Variants in ST6GALNAC3 observed in about 807,000 individuals in gnomAD.
The protein encoded by ST6GALNAC3 is ST6 N-acetylgalactosaminide alpha-2,6-sialyltransferase 3.
A neutral mutation model predicts 32.7 loss-of-function variants in ST6GALNAC3; 25 were observed. That is an observed-to-expected ratio of 0.76 (90% CI 0.56 to 1.07). The LOEUF (loss-of-function observed/expected upper bound fraction) is 1.07, where lower values mean the gene tolerates loss of function less well. Among genes scored for constraint, ST6GALNAC3 ranks in the 50% least tolerant of loss-of-function variants. The pLI is 0.00. For missense variants in ST6GALNAC3, 355 were observed against 382.4 expected, an observed-to-expected ratio of 0.93 and a Z score of 0.60; for synonymous variants, 129 against 133.1, an observed-to-expected ratio of 0.97 and a Z score of 0.21.
At chr1:76,361,843 G>GT (rs34952974) in intron 2 of ST6GALNAC3, among the ~76,000 whole-genome samples, 7,859 of 151,762 alleles carry the variant, frequency 0.052, 306 homozygotes, top group African/African-American at 0.11. Flanking sequence ...GCCTGGCATG[G>GT]GGCACACGAC....
intron 2 of ST6GALNAC3, among the ~76,000 whole-genome samples, chr1:76,318,850 A>G (rs1646916601): frequency 6.6e-6 from 1 of 152,176 alleles, no homozygotes; most frequent in African/African-American, 2.4e-5. Context: ...GGACTAAGGT[A>G]GTCCAGGGCT....
intron 3 of ST6GALNAC3, among the ~76,000 whole-genome samples, chr1:76,616,870 T>C (rs1232446949): frequency 6.6e-6 from 1 of 152,188 alleles, no homozygotes; most frequent in Non-Finnish European, 1.5e-5. Flanking sequence ...TGGCAATAGC[T>C]TCAAATAGAC....
chr1:76,134,396 T>C lies in ST6GALNAC3; in HGVS notation c.18+59512T>C, dbSNP rs76308216. On this transcript the variant is annotated intron_variant, in intron 1 of 4. Transcript: ENST00000328299. ...AAATGCCCTTCACCTTTTCCAGGCC[T>C]GAAGCTCCTAGTCTATGAGATGAGG... 7.9e-5 allele frequency among the ~76,000 whole-genome samples: 12 copies of C among 152,340 alleles called. No homozygotes were observed. In the East Asian group the frequency reaches 2.3e-3, roughly 29 times the overall value.
At chr1:76,211,786 G>C (rs983986142) in intron 1 of ST6GALNAC3, among the ~76,000 whole-genome samples, 2 of 152,058 alleles carry the variant, frequency 1.3e-5, no homozygotes, top group Non-Finnish European at 1.5e-5. Context: ...GGCCTGTTGT[G>C]GGGTGGGGGG....
chr1:76,518,852 G>A (rs975186320), intron 3 of ST6GALNAC3, among the ~76,000 whole-genome samples: 2 of 152,064 alleles, frequency 1.3e-5, no homozygotes, highest in Non-Finnish European at 2.9e-5. Flanking sequence ...ATTACTGGAG[G>A]TCAGAAGTTC....
intron 1 of ST6GALNAC3, among the ~76,000 whole-genome samples, chr1:76,213,860 A>T (rs1265193504): frequency 2.0e-5 from 3 of 152,224 alleles, no homozygotes; most frequent in African/African-American, 7.2e-5. Flanking sequence ...AACATCTCAC[A>T]AAAGGGATAT....
chr1:76,372,279 A>G (rs980191392), intron 2 of ST6GALNAC3, among the ~76,000 whole-genome samples: 1 of 151,984 alleles, frequency 6.6e-6, no homozygotes, highest in African/African-American at 2.4e-5. Context: ...CAGTTTTTTT[A>G]ATGTAAATTT....
intron 3 of ST6GALNAC3, among the ~76,000 whole-genome samples, chr1:76,531,718 ACT>A (rs1663270217): frequency 1.3e-5 from 2 of 152,102 alleles, no homozygotes; most frequent in Non-Finnish European, 2.9e-5. Flanking sequence ...GATAAAATAG[ACT>A]CAGTTCTGCA....
At chr1:76,524,673 ATATTG>A (rs1046022306) in intron 3 of ST6GALNAC3, among the ~76,000 whole-genome samples, 3 of 151,470 alleles carry the variant, frequency 2.0e-5, no homozygotes, top group African/African-American at 7.3e-5. Context: ...AACAATCCAA[ATATTG>A]TGTATAATAT....
chr1:76,122,559 G>A (rs1343728267), intron 1 of ST6GALNAC3, among the ~76,000 whole-genome samples: 1 of 152,136 alleles, frequency 6.6e-6, no homozygotes, highest in African/African-American at 2.4e-5. Flanking sequence ...CTCCTTCACT[G>A]GCTATGCACC....
chr1:76,275,041 C>G (rs1659057995), intron 1 of ST6GALNAC3, among the ~76,000 whole-genome samples: 1 of 152,212 alleles, frequency 6.6e-6, no homozygotes, highest in Admixed American at 6.5e-5. Flanking sequence ...GCTGACTATG[C>G]TCTACGGAGA....
intron 3 of ST6GALNAC3, among the ~76,000 whole-genome samples, chr1:76,475,744 A>C (rs753686933): frequency 2.0e-5 from 3 of 152,174 alleles, no homozygotes; most frequent in Admixed American, 2.0e-4. Flanking sequence ...ATACATGTGC[A>C]GAACTTGCAG....
intron 3 of ST6GALNAC3, among the ~76,000 whole-genome samples, chr1:76,449,136 G>C (rs886255409): frequency 1.3e-5 from 2 of 152,154 alleles, no homozygotes; most frequent in East Asian, 1.9e-4. Context: ...GTCTTTATCT[G>C]CATTGTGAAA....
intron 1 of ST6GALNAC3, among the ~76,000 whole-genome samples, chr1:76,299,616 T>G (rs956278963): frequency 3.9e-5 from 6 of 152,148 alleles, no homozygotes; most frequent in African/African-American, 1.2e-4. Context: ...GTTAAAATAT[T>G]AAGATCCAGC....
chr1:76,459,557 C>G (rs1307279093), intron 3 of ST6GALNAC3, among the ~76,000 whole-genome samples: 1 of 136,580 alleles, frequency 7.3e-6, no homozygotes, highest in African/African-American at 2.8e-5. Context: ...GAGCAAGACT[C>G]CATCTCAAAA....
At chr1:76,105,890 G>A (rs552890) in intron 1 of ST6GALNAC3, among the ~76,000 whole-genome samples, 41,563 of 151,984 alleles carry the variant, frequency 0.27, 6,920 homozygotes, top group African/African-American at 0.47. Flanking sequence ...AAACTGGAAC[G>A]ATTAGCTTTT....
intron 3 of ST6GALNAC3, among the ~76,000 whole-genome samples, chr1:76,489,121 T>TATTACTTAAATTAATGA (rs1660326981): frequency 6.6e-6 from 1 of 152,200 alleles, no homozygotes; most frequent in Admixed American, 6.5e-5. Context: ...AGTCAACATT[T>TATTACTTAAATTAATGA]ATTACTTAAA....
chr1:76,389,798 A>T (rs1330321460), intron 2 of ST6GALNAC3, among the ~76,000 whole-genome samples: 1 of 152,238 alleles, frequency 6.6e-6, no homozygotes, highest in Non-Finnish European at 1.5e-5. Context: ...CCATCAAATA[A>T]AAAGTGAAAA....
At chr1:76,367,031 C>A (rs1427856465) in intron 2 of ST6GALNAC3, among the ~76,000 whole-genome samples, 1 of 152,016 alleles carries the variant, frequency 6.6e-6, no homozygotes, top group Non-Finnish European at 1.5e-5. Flanking sequence ...AAAATCTGGA[C>A]AAAGAAAGGC....
Sources: allele counts gnomAD v4.1 joint callset (sites outside exome capture counted in the v4.1 genomes callset), GRCh38; gene constraint gnomAD v4.1.1; transcripts MANE v1.5; gene names NCBI Gene and HGNC (gene_info 2026-07-23, HGNC 2026-07-21).